Variants in PLCG2 observed in about 807,000 individuals in gnomAD.
PLCG2 encodes phospholipase C gamma 2.
Under a neutral mutation model 175.6 loss-of-function variants are expected in PLCG2, and 69 were observed. That is an observed-to-expected ratio of 0.39 (90% CI 0.32 to 0.48). The LOEUF is 0.48. Ranked by LOEUF, PLCG2 falls within the 20% of genes least tolerant of loss-of-function variation. The pLI is 0.91. For synonymous variants in PLCG2, 827 were observed against 624.0 expected (o/e 1.33, Z -4.85); for missense variants, 1,798 against 1,650.9 (o/e 1.09, Z -1.54).
intron 2 of PLCG2, among the ~76,000 whole-genome samples, chr16:81,788,519 T>C (rs1185386409): frequency 6.6e-6 from 1 of 152,162 alleles, no homozygotes; most frequent in South Asian, 2.1e-4. Flanking sequence ...ATTTTAACTT[T>C]AAAGGGAAGT....
intron 2 of PLCG2, among the ~76,000 whole-genome samples, chr16:81,839,816 C>G (rs2143419254): frequency 6.6e-6 from 1 of 152,264 alleles, no homozygotes; most frequent in African/African-American, 2.4e-5. Flanking sequence ...TTGGGGAAAC[C>G]AAAATGGGAG....
chr16:81,739,274 G>A (rs1909530998), exon 1 of PLCG2: 1 of 152,006 alleles, frequency 6.6e-6, no homozygotes, highest in Non-Finnish European at 1.5e-5. Flanking sequence ...TTGGGCACAG[G>A]GGATTAAGCC....
intron 1 of PLCG2, among the ~76,000 whole-genome samples, chr16:81,741,353 T>A (rs1406570979): frequency 6.6e-6 from 1 of 152,238 alleles, no homozygotes; most frequent in African/African-American, 2.4e-5. Context: ...TAGAATCGCT[T>A]CTATTTGAAC....
intron 5 of PLCG2, among the ~76,000 whole-genome samples, chr16:81,867,775 G>A (rs1015493586): frequency 2.6e-5 from 4 of 151,954 alleles, no homozygotes; most frequent in African/African-American, 9.7e-5. Flanking sequence ...TCGGCTCACT[G>A]CAAGCTCCGC....
intron 3 of PLCG2, among the ~76,000 whole-genome samples, chr16:81,855,490 G>A (rs1026978708): frequency 4.6e-5 from 7 of 152,152 alleles, no homozygotes; most frequent in Admixed American, 1.3e-4. Context: ...TTTACTTTTC[G>A]GTCAAATAAC....
chr16:81,739,607 G>A (rs1447688930), intron 1 of PLCG2: 1 of 152,380 alleles, frequency 6.6e-6, no homozygotes, highest in Non-Finnish European at 1.5e-5. Flanking sequence ...CCCCTAAAAG[G>A]ACAGATTGTT....
chr16:81,939,001 A>G (rs1024675881), intron 29 of PLCG2, 86 bp downstream of exon 29: 23 of 769,416 alleles, frequency 3.0e-5, no homozygotes, highest in Non-Finnish European at 3.8e-5. Context: ...GGATTTTGCA[A>G]TGCTCTTTAG....
At position 81,831,011 on chromosome 16, in the gene PLCG2, G is replaced by T. The variant is rs150765969; in HGVS notation, c.194-23433G>T. On this transcript the variant is annotated intron_variant, in intron 2 of 32. Coordinates refer to ENST00000564138, the MANE Select transcript of PLCG2 (RefSeq NM_002661.5). ...CAACCATACACATTTCCATCTTGGG[G>T]CCTTTGCATTTACTATTTGCTCTGC... 1.7e-4 allele frequency among the ~76,000 whole-genome samples: 26 copies of T among 152,194 alleles called. 1 individual carries two copies. In the East Asian group the frequency reaches 3.9e-3, roughly 23 times the overall value.
chr16:81,834,287 G>A (rs1383939338), intron 2 of PLCG2, among the ~76,000 whole-genome samples: 6 of 152,180 alleles, frequency 3.9e-5, no homozygotes, highest in Non-Finnish European at 8.8e-5. Flanking sequence ...GTCCCAGTAG[G>A]TGTTTCTGCC....
chr16:81,956,632 G>A, intron 31 of PLCG2, 63 bp from the exon 32 acceptor site: 1 of 1,455,630 alleles, frequency 6.9e-7, no homozygotes, highest in East Asian at 2.3e-5. Flanking sequence ...GAGATGCCAG[G>A]TTCACATTTT....
At chr16:81,766,386 C>A (rs1035578705) in intron 2 of PLCG2, among the ~76,000 whole-genome samples, 1 of 152,120 alleles carries the variant, frequency 6.6e-6, no homozygotes, top group Admixed American at 6.6e-5. Flanking sequence ...ATTTTGTAAC[C>A]CTCAAAAGCA....
At chr16:81,871,795 A>G (rs550012282) in intron 7 of PLCG2, among the ~76,000 whole-genome samples, 34 of 152,254 alleles carry the variant, frequency 2.2e-4, no homozygotes, top group Non-Finnish European at 3.4e-4. Context: ...AGAATATATT[A>G]TCGGATTGTT....
intron 19 of PLCG2, among the ~76,000 whole-genome samples, chr16:81,917,073 G>A (rs778305659): frequency 4.6e-5 from 7 of 152,106 alleles, no homozygotes; most frequent in Admixed American, 4.6e-4. Flanking sequence ...CCCGGACCCT[G>A]GTAACCACCA....
intron 2 of PLCG2, among the ~76,000 whole-genome samples, chr16:81,844,196 T>C (rs896763488): frequency 1.4e-5 from 2 of 145,874 alleles, no homozygotes; most frequent in Non-Finnish European, 3.0e-5. Context: ...AGGTTTCACG[T>C]GTTAGCCAGG....
chr16:81,883,972 T>G (rs991809935), intron 9 of PLCG2, among the ~76,000 whole-genome samples: 3 of 152,200 alleles, frequency 2.0e-5, no homozygotes, highest in African/African-American at 7.2e-5. Flanking sequence ...AGCGGGAGGC[T>G]GCTGCCGGCA....
At chr16:81,765,617 T>G (rs933044226) in intron 2 of PLCG2, among the ~76,000 whole-genome samples, 1 of 152,134 alleles carries the variant, frequency 6.6e-6, no homozygotes, top group East Asian at 1.9e-4. Context: ...GATGACAGAG[T>G]GAGACTCGGT....
At chr16:81,932,087 C>T (rs369736034) in intron 25 of PLCG2, among the ~76,000 whole-genome samples, 35 of 152,276 alleles carry the variant, frequency 2.3e-4, no homozygotes, top group East Asian at 1.4e-3. Flanking sequence ...AGCAAATCAG[C>T]GAGACCCGGT....
chr16:81,853,361 C>T (rs1053224174), intron 2 of PLCG2, among the ~76,000 whole-genome samples: 2 of 151,210 alleles, frequency 1.3e-5, no homozygotes, highest in Non-Finnish European at 3.0e-5. Flanking sequence ...CAAAAAAAAA[C>T]CATTAGACCC....
intron 2 of PLCG2, among the ~76,000 whole-genome samples, chr16:81,759,950 C>A (rs1167570672): frequency 6.6e-6 from 1 of 152,132 alleles, no homozygotes; most frequent in African/African-American, 2.4e-5. Flanking sequence ...CACGGTGAAA[C>A]CCCGTCTCTA....
Sources: allele counts gnomAD v4.1 joint callset (sites outside exome capture counted in the v4.1 genomes callset), GRCh38; gene constraint gnomAD v4.1.1; transcripts MANE v1.5; gene names NCBI Gene and HGNC (gene_info 2026-07-23, HGNC 2026-07-21).